ZNF431: variants seen among roughly 807,000 people sequenced by gnomAD.
ZNF431 encodes zinc finger protein 431.
A neutral mutation model predicts 57.0 loss-of-function variants in ZNF431; 34 were observed. The observed-to-expected ratio is 0.60, with a 90% CI of 0.45 to 0.79. The LOEUF (loss-of-function observed/expected upper bound fraction) is 0.79. ZNF431 is among the 30% of genes least tolerant of loss of function. ZNF431 has a pLI of 0.00. For synonymous variants in ZNF431, 207 were observed against 220.3 expected, an observed-to-expected ratio of 0.94 and a Z score of 0.54; for missense variants, 607 against 667.1, an observed-to-expected ratio of 0.91 and a Z score of 0.99.
chr19:21,162,473 T>C (rs757780735), intron 2 of ZNF431, among the ~76,000 whole-genome samples: 7 of 152,070 alleles, frequency 4.6e-5, no homozygotes, highest in Non-Finnish European at 7.4e-5. Context: ...TACCCGGCAA[T>C]TTTTGTATCT....
At chr19:21,160,298 TAC>T (rs1391622146) in intron 2 of ZNF431, among the ~76,000 whole-genome samples, 1 of 152,204 alleles carries the variant, frequency 6.6e-6, no homozygotes, top group Non-Finnish European at 1.5e-5. Flanking sequence ...AATGACCTGT[TAC>T]AGTTATGTAA....
rs767595462 is a variant in ZNF431 at position 21,182,934 on chromosome 19, A to ATG, written c.631_632insTG (p.Lys211MetfsTer10). ...ACCTTTCAAATGTAAAAAATGTGGCAAATCATTTTGCATGCTTTTACACCT... is the reference window on the plus strand; with the variant it reads ...ACCTTTCAAATGTAAAAAATGTGGCATGAATCATTTTGCATGCTTTTACACCT... On this transcript the variant is annotated frameshift_variant, in exon 5 of 5. Coordinates refer to ENST00000311048, the MANE Select transcript of ZNF431 (RefSeq NM_133473.4). LOFTEE classifies it high-confidence loss of function. 74 of 1,614,104 alleles carry ATG rather than the reference A, an allele frequency of 4.6e-5. No individual in the cohort carries two copies. Among genetic ancestry groups the ATG allele is most frequent in the Non-Finnish European group, 6.1e-5 (72 of 1,179,960 alleles).
intron 4 of ZNF431, among the ~76,000 whole-genome samples, chr19:21,174,017 C>T (rs537927570): frequency 3.0e-4 from 45 of 150,994 alleles, no homozygotes; most frequent in Non-Finnish European, 5.2e-4. Context: ...GCAATCTCGA[C>T]GCACTGCAAC....
In ZNF431 at chr19:21,172,439, AAAAG is replaced by A. The variant is rs529869879; in HGVS notation, c.319+4781_319+4784del. ...CGAGATTCCATCTCAAAAAAAAAAA[AAAAG>A]AAAGAAAAAGAAACAATAAAAACAC... is the stretch of plus-strand genomic sequence containing the variant. On this transcript the variant is annotated intron_variant, in intron 4 of 4. Coordinates refer to ENST00000311048, the MANE Select transcript of ZNF431 (RefSeq NM_133473.4). Among the ~76,000 whole-genome samples, 588 of 151,874 alleles carry A rather than the reference AAAAG, an allele frequency of 3.9e-3. 1 individual carries two copies. Among genetic ancestry groups the A allele is most frequent in the African/African-American group, 0.013 (532 of 41,382 alleles).
chr19:21,145,469 T>C (rs1477040445), intron 2 of ZNF431, among the ~76,000 whole-genome samples: 1 of 152,046 alleles, frequency 6.6e-6, no homozygotes, highest in African/African-American at 2.4e-5. Flanking sequence ...AGAGCGAGAC[T>C]CCATCTCAAA....
At chr19:21,152,698 C>G (rs1019080097) in intron 2 of ZNF431, among the ~76,000 whole-genome samples, 1 of 152,148 alleles carries the variant, frequency 6.6e-6, no homozygotes, top group African/African-American at 2.4e-5. Context: ...TTAGGAGAGA[C>G]TCTAATTCTC....
chr19:21,167,696 A>C, intron 4 of ZNF431, 30 bp downstream of exon 4: 1 of 1,466,786 alleles, frequency 6.8e-7, no homozygotes, highest in Non-Finnish European at 9.2e-7. Flanking sequence ...AACAGATGAC[A>C]CAGATGAGAG....
At chr19:21,158,971 A>G (rs1970500143) in intron 2 of ZNF431, among the ~76,000 whole-genome samples, 1 of 152,182 alleles carries the variant, frequency 6.6e-6, no homozygotes, top group African/African-American at 2.4e-5. Context: ...TAGATGACTC[A>G]TTATTTTGAA....
chr19:21,157,104 C>T (rs1260094398), intron 2 of ZNF431, among the ~76,000 whole-genome samples: 1 of 133,184 alleles, frequency 7.5e-6, no homozygotes, highest in Non-Finnish European at 1.6e-5. Context: ...ATCTAGTCTA[C>T]CATTAATAGG....
chr19:21,147,620 C>A lies in ZNF431; in HGVS notation c.96+3977C>A, dbSNP rs577381895. On this transcript the variant is annotated intron_variant, in intron 2 of 4. Coordinates refer to ENST00000311048, the MANE Select transcript of ZNF431 (RefSeq NM_133473.4). Reference sequence around the variant, plus strand: ...CAGTCACAGTGAAAAAAAAAAAAAACCATGATTGACAAGGAAATTTGGTTA... The same window carrying A: ...CAGTCACAGTGAAAAAAAAAAAAAAACATGATTGACAAGGAAATTTGGTTA... Among the ~76,000 whole-genome samples, 323 of 139,192 alleles carry A rather than the reference C, an allele frequency of 2.3e-3. 2 individuals are homozygous for A. Among genetic ancestry groups the A allele is most frequent in the African/African-American group, 7.9e-3 (301 of 38,164 alleles). The allele number at this position is 139,192 out of a possible 152,430, so 91.3% of individuals were successfully genotyped here.
Position 21,192,458 on chromosome 19 carries a change from A to C in ZNF431, c.*8424A>C, listed in dbSNP as rs889206871. On this transcript the variant is annotated 3_prime_UTR_variant, in exon 5 of 5. Coordinates refer to ENST00000311048, the MANE Select transcript of ZNF431 (RefSeq NM_133473.4). ...TGGAATTACAGGCAGGAGTCACTGC[A>C]CCTTGCCTGTTTATAATTTTTAAGA... The C allele has an allele frequency of 6.6e-6, 1 of 152,026 alleles. No individual in the cohort carries two copies. Among genetic ancestry groups the C allele is most frequent in the Admixed American group, 6.6e-5 (1 of 15,250 alleles). The allele number at this position is 152,026 out of a possible 1,614,324, so 9.4% of individuals were successfully genotyped here.
intron 2 of ZNF431, among the ~76,000 whole-genome samples, chr19:21,156,696 G>T (rs76476491): frequency 0.017 from 236 of 13,812 alleles, 2 homozygotes; most frequent in Middle Eastern, 0.12. Flanking sequence ...ACTTAATCTT[G>T]TTTTTTTTTT....
rs1009355791 is a variant in ZNF431, at chr19:21,163,590, C to G, written c.97-2745C>G. Among the ~76,000 whole-genome samples the G allele has an allele frequency of 2.0e-5, 3 of 152,122 alleles. No individual in the cohort carries two copies. The South Asian group carries it at 6.2e-4, about 32-fold the overall frequency. On this transcript the variant is annotated intron_variant, in intron 2 of 4. Transcript: ENST00000311048. ...AGGCTGAAGTGTAATGGCACGATCTCGTCTCACTGCAACCTCTGCCCTCTG... is the reference window on the plus strand; with the variant it reads ...AGGCTGAAGTGTAATGGCACGATCTGGTCTCACTGCAACCTCTGCCCTCTG...
chr19:21,182,094 G>C (rs1010120690), intron 4 of ZNF431, among the ~76,000 whole-genome samples: 15 of 152,100 alleles, frequency 9.9e-5, no homozygotes, highest in Non-Finnish European at 2.1e-4. Flanking sequence ...CTGTGGTACT[G>C]CAGTCTCTCT....
chr19:21,148,694 T>C (rs1970179553), intron 2 of ZNF431, among the ~76,000 whole-genome samples: 1 of 152,222 alleles, frequency 6.6e-6, no homozygotes, highest in Non-Finnish European at 1.5e-5. Context: ...TAAAACTGTT[T>C]TTTAGTAGTC....
Position 21,183,257 on chromosome 19 carries a change from T to A in ZNF431, c.954T>A (p.Cys318Ter). 6.2e-7 allele frequency: 1 copy of A among 1,614,082 alleles called. No individual in the cohort carries two copies. Among genetic ancestry groups the A allele is most frequent in the Non-Finnish European group, 8.5e-7 (1 of 1,179,978 alleles). ...IIHTGEKPYK[C>*]EECGKAFNQS... The stretch of plus-strand genomic sequence containing the variant: ...ATACTGGAGAGAAGCCCTACAAATG[T>A]GAAGAATGTGGCAAAGCTTTTAACC... Residue 318 changes from cysteine (C) to a stop codon, truncating the protein, a stop_gained, in exon 5 of 5, where the codon TGT (cysteine) becomes TGA (stop). Transcript: ENST00000311048. LOFTEE classifies it high-confidence loss of function.
In ZNF431 at chr19:21,142,062, C is replaced by T. The variant is rs1810913825; in HGVS notation, c.-122C>T. ...TTTGTCTCTCGCCGCAGCCTGAGCT[C>T]CAGGTCTCCCCTTCGCTGCTCTGTG... On this transcript the variant is annotated 5_prime_UTR_variant, in exon 1 of 5. Transcript: ENST00000311048. 6 of 1,333,862 alleles carry T rather than the reference C, an allele frequency of 4.5e-6. No homozygotes were observed. The highest frequency in any genetic ancestry group is 1.8e-4 in the Middle Eastern group (1 of 5,444). 82.6% of individuals were successfully genotyped at this position (1,333,862 alleles called of 1,614,324 possible).
intron 2 of ZNF431, among the ~76,000 whole-genome samples, chr19:21,145,099 C>T (rs2144917965): frequency 5.9e-5 from 2 of 33,710 alleles, no homozygotes; most frequent in South Asian, 1.5e-3. Context: ...GTTTCGAAAA[C>T]CAAGTGAGTA....
chr19:21,145,997 C>A (rs1159280275), intron 2 of ZNF431, among the ~76,000 whole-genome samples: 1 of 152,048 alleles, frequency 6.6e-6, no homozygotes, highest in Non-Finnish European at 1.5e-5. Context: ...GTTCTGGAGC[C>A]TGTGAAAAAT....
Sources: gnomAD v4.1 joint callset for allele counts (sites outside exome capture counted in the v4.1 genomes callset) on GRCh38, gnomAD v4.1.1 for gene constraint, MANE v1.5 for transcripts, NCBI Gene and HGNC (gene_info 2026-07-23, HGNC 2026-07-21) for gene names.